PCNX2: variants seen among roughly 807,000 people sequenced by gnomAD.
PCNX2 encodes pecanex-like protein 2.
Under a neutral mutation model 223.8 loss-of-function variants are expected in PCNX2, and 168 were observed. The observed-to-expected ratio is 0.75, with a 90% CI of 0.66 to 0.85. The LOEUF (loss-of-function observed/expected upper bound fraction) is 0.85. Ranked by LOEUF, PCNX2 falls within the 40% of genes least tolerant of loss-of-function variation. The pLI is 0.00. For synonymous variants in PCNX2, 1,006 were observed against 1,052.6 expected (o/e 0.96, Z 0.86); for missense variants, 2,507 against 2,675.5 (o/e 0.94, Z 1.39).
In PCNX2 at chr1:233,236,989, G is replaced by T. The variant is rs1287148137; in HGVS notation, c.2223-9C>A. On this transcript the variant is annotated splice_polypyrimidine_tract_variant and intron_variant, in intron 8 of 33. Coordinates refer to ENST00000258229, the MANE Select transcript of PCNX2 (RefSeq NM_014801.4). ...AGCTGACCTGCATCTCTCTGAGGAT[G>T]GGCAAAACAAAAGCTTTGGTTACCT... 14 of 1,613,152 alleles carry T rather than the reference G, an allele frequency of 8.7e-6. No individual in the cohort carries two copies. Among genetic ancestry groups the T allele is most frequent in the Non-Finnish European group, 1.2e-5 (14 of 1,179,674 alleles).
chr1:233,088,235 GA>G (rs746704555), intron 23 of PCNX2, among the ~76,000 whole-genome samples: 5 of 152,148 alleles, frequency 3.3e-5, no homozygotes, highest in African/African-American at 4.8e-5. Flanking sequence ...ACTCAACTGA[GA>G]GGTGTTTTAC....
rs1289434765 is a variant in PCNX2, at chr1:233,227,320, A to T, written c.2410T>A (p.Phe804Ile). ...AATTTGTAAAACTGCTCTCGGTTAA[A>T]TTTTCCTTGTGTTGAAGAACATGAC... ...ASSCSSTQGK[F>I]NREQFYKFII... The change falls in exon 10 of 34, where the codon TTT becomes ATT. Residue 804 changes from phenylalanine to isoleucine, a missense_variant. By Grantham distance (21) the Phe-to-Ile change is conservative (BLOSUM62 0). This residue lies in a region of PCNX2 where 1,031 missense variants were observed against 1,021.7 expected (regional missense o/e 1.01). Transcript: ENST00000258229. 1.2e-6 allele frequency: 2 copies of T among 1,613,608 alleles called. No individual in the cohort carries two copies. The highest frequency in any genetic ancestry group is 1.6e-4 in the Middle Eastern group (1 of 6,062).
chr1:233,106,456 G>T (rs189830358), intron 21 of PCNX2, among the ~76,000 whole-genome samples: 2 of 150,024 alleles, frequency 1.3e-5, no homozygotes, highest in South Asian at 4.2e-4. Context: ...ACGTTCAAGC[G>T]ATTCTCCTGC....
chr1:233,179,170 C>G lies in PCNX2; in HGVS notation c.3072G>C (p.Pro1024=). The change falls in exon 16 of 34, where the codon CCG becomes CCC. Residue 1024 remains proline (P), a synonymous_variant. Coordinates refer to ENST00000258229, the MANE Select transcript of PCNX2 (RefSeq NM_014801.4). ...HAVCFSAVKE[P]WSMQHIPALF... ...GTGCCGGGATGTGTTGCATGCTCCA[C>G]GGTTCCTAAAGAAAAGACATCAGTT... 1 of 1,613,586 alleles carries G rather than the reference C, an allele frequency of 6.2e-7. No individual in the cohort carries two copies. Among genetic ancestry groups the G allele is most frequent in the Non-Finnish European group, 8.5e-7 (1 of 1,179,656 alleles).
chr1:233,164,779 C>T (rs1320626758), intron 17 of PCNX2, among the ~76,000 whole-genome samples: 4 of 151,646 alleles, frequency 2.6e-5, no homozygotes, highest in African/African-American at 9.7e-5. Flanking sequence ...AAGACAGGCA[C>T]AGAAAGACAA....
intron 13 of PCNX2, among the ~76,000 whole-genome samples, chr1:233,205,172 A>G (rs1224128426): frequency 6.6e-6 from 1 of 152,220 alleles, no homozygotes; most frequent in Admixed American, 6.5e-5. Flanking sequence ...TTTAAAAACC[A>G]GGAATGAGGG....
chr1:233,160,518 C>A, intron 18 of PCNX2, 85 bp from the exon 19 acceptor site: 1 of 1,417,572 alleles, frequency 7.1e-7, no homozygotes, highest in South Asian at 1.3e-5. Context: ...ACATCACTGT[C>A]CTTCCACTTT....
intron 1 of PCNX2, chr1:233,289,386 G>T: frequency 7.4e-7 from 1 of 1,351,530 alleles, no homozygotes; most frequent in South Asian, 1.2e-5. Context: ...GGAGATGCGG[G>T]ACTCGAACTC....
At chr1:233,163,497 A>T (rs1678617766) in intron 17 of PCNX2, among the ~76,000 whole-genome samples, 2 of 151,876 alleles carry the variant, frequency 1.3e-5, no homozygotes, top group South Asian at 4.2e-4. Context: ...AAAAAGTAAA[A>T]GTATACAACT....
At chr1:233,191,843 T>C (rs724712) in intron 15 of PCNX2, among the ~76,000 whole-genome samples, 18,209 of 152,176 alleles carry the variant, frequency 0.12, 1,220 homozygotes, top group East Asian at 0.22. Context: ...ACTCCTGCTG[T>C]CGTAGAGGCG....
chr1:232,986,142 C>T lies in PCNX2; in HGVS notation c.6190G>A (p.Val2064Ile), dbSNP rs528123440. The change falls in exon 33 of 34, where the codon GTC becomes ATC. Residue 2064 changes from valine (V) to isoleucine (I), a missense_variant. Physicochemically the swap from Val to Ile is conservative, Grantham distance 29 (BLOSUM62 3). Coordinates refer to ENST00000258229, the MANE Select transcript of PCNX2 (RefSeq NM_014801.4). The stretch of plus-strand genomic sequence containing the variant: ...GCTGAGGGGCCCATCACGATGTTGA[C>T]GCTGCTGGATGACTGGGTGTCACTG... ...NTSDTQSSSS[V>I]NIVMGPSARA... 7.0e-6 allele frequency: 11 copies of T among 1,570,886 alleles called. No individual in the cohort carries two copies. The highest frequency in any genetic ancestry group is 1.8e-5 in the Admixed American group (1 of 54,142).
chr1:233,179,327 G>T, intron 15 of PCNX2, 152 bp from the exon 16 acceptor site: 1 of 380,496 alleles, frequency 2.6e-6, no homozygotes, highest in Non-Finnish European at 3.6e-6. Flanking sequence ...GCATCTGGTG[G>T]GCACACAAAA....
chr1:233,066,949 GA>G (rs1387423903), intron 23 of PCNX2, among the ~76,000 whole-genome samples: 1 of 152,008 alleles, frequency 6.6e-6, no homozygotes, highest in Non-Finnish European at 1.5e-5. Context: ...GCTTAGTGGG[GA>G]ATCTGAACTC....
At chr1:233,063,047 G>A (rs1156395646) in intron 23 of PCNX2, among the ~76,000 whole-genome samples, 2 of 152,092 alleles carry the variant, frequency 1.3e-5, no homozygotes, top group African/African-American at 2.4e-5. Context: ...GACCAGCCTG[G>A]CCAACACAGT....
intron 12 of PCNX2, 108 bp downstream of exon 12, chr1:233,217,791 G>C: frequency 2.6e-6 from 3 of 1,138,242 alleles, no homozygotes; most frequent in Non-Finnish European, 3.7e-6. Flanking sequence ...TTTATATTCA[G>C]TATAGAGAGC....
Position 233,197,368 on chromosome 1 carries a change from T to C in PCNX2, c.3066+1571A>G, listed in dbSNP as rs563473891. On this transcript the variant is annotated intron_variant, in intron 15 of 33. Coordinates refer to ENST00000258229, the MANE Select transcript of PCNX2 (RefSeq NM_014801.4). ...CCCAGAGTTGTATAGGCAGCCATTT[T>C]ACCAAAAGACAGTGGAAAGATGTTC... Among the ~76,000 whole-genome samples the C allele has an allele frequency of 2.0e-5, 3 of 152,296 alleles. No homozygotes were observed. The East Asian group carries it at 5.8e-4, about 29-fold the overall frequency.
chr1:233,074,154 C>A (rs998021563), intron 23 of PCNX2, among the ~76,000 whole-genome samples: 11 of 151,800 alleles, frequency 7.2e-5, no homozygotes, highest in Non-Finnish European at 1.5e-4. Context: ...CTATTGTGGC[C>A]GGAGAACATT....
At chr1:233,190,554 G>T (rs960055884) in intron 15 of PCNX2, among the ~76,000 whole-genome samples, 37 of 152,160 alleles carry the variant, frequency 2.4e-4, no homozygotes, top group South Asian at 1.0e-3. Flanking sequence ...TTTGTTTTTG[G>T]TTTTTTTACT....
chr1:233,138,980 G>C (rs772096341), intron 20 of PCNX2, among the ~76,000 whole-genome samples: 6 of 152,114 alleles, frequency 3.9e-5, no homozygotes, highest in Non-Finnish European at 7.3e-5. Context: ...TATGCATCAG[G>C]GTTGACTTGG....
Sources: gnomAD v4.1 joint callset for allele counts (sites outside exome capture counted in the v4.1 genomes callset) on GRCh38, gnomAD v4.1.1 for gene constraint, gnomAD v4.1.1 regional missense constraint, MANE v1.5 for transcripts, NCBI Gene and HGNC (gene_info 2026-07-23, HGNC 2026-07-21) for gene names.